The following ST18 variants were observed in gnomAD, a reference collection of about 807,000 sequenced individuals.
The protein encoded by ST18 is ST18 C2H2C-type zinc finger transcription factor, also known as suppression of tumorigenicity 18 protein.
In ST18, 50 loss-of-function variants were observed where a neutral mutation model predicts 110.0. The ratio of observed to expected loss-of-function variants is 0.45; its 90% CI spans 0.36 to 0.58. The LOEUF (loss-of-function observed/expected upper bound fraction) is 0.58. Among genes scored for constraint, ST18 ranks in the 20% least tolerant of loss-of-function variants. ST18 has a pLI of 0.00. For missense variants in ST18, 1,306 were observed against 1,280.1 expected (o/e 1.02, Z -0.31); for synonymous variants, 461 against 452.4 (o/e 1.02, Z -0.24).
chr8:52,360,779 G>T lies in ST18; in HGVS notation c.-465+48549C>A, dbSNP rs535742922. Among the ~76,000 whole-genome samples the T allele has an allele frequency of 3.9e-4, 60 of 152,252 alleles. 1 individual carries two copies. Among genetic ancestry groups the T allele is most frequent in the African/African-American group, 1.4e-3 (59 of 41,554 alleles). ...AGCTGAGAACAATGTAATTGTTGGG[G>T]AGTTATTTAATGCCCAGTAAGTTTT... On this transcript the variant is annotated intron_variant, in intron 2 of 25. Coordinates refer to ENST00000689386, the MANE Select transcript of ST18 (RefSeq NM_001352837.2).
At chr8:52,241,627 A>T (rs2093412952) in intron 2 of ST18, among the ~76,000 whole-genome samples, 2 of 152,166 alleles carry the variant, frequency 1.3e-5, no homozygotes, top group African/African-American at 4.8e-5. Context: ...CATTGTCTAT[A>T]CTTCTGATAC....
intron 25 of ST18, 26 bp from the exon 26 acceptor site, chr8:52,113,364 C>A: frequency 6.2e-7 from 1 of 1,611,154 alleles, no homozygotes. Flanking sequence ...ACACATTGAC[C>A]CAATCACAGT....
chr8:52,171,629 GA>G, intron 10 of ST18, 162 bp downstream of exon 10: 1 of 790,792 alleles, frequency 1.3e-6, no homozygotes, highest in East Asian at 2.7e-5. Context: ...ATAATCTAGA[GA>G]GTGGGGGAAA....
intron 2 of ST18, among the ~76,000 whole-genome samples, chr8:52,284,016 A>AT (rs1007364562): frequency 5.3e-5 from 8 of 152,142 alleles, no homozygotes; most frequent in East Asian, 1.9e-4. Flanking sequence ...AGCTTGGTTG[A>AT]TTTTTTCCCC....
At chr8:52,256,716 G>C (rs1285040353) in intron 2 of ST18, among the ~76,000 whole-genome samples, 2 of 152,106 alleles carry the variant, frequency 1.3e-5, no homozygotes, top group Non-Finnish European at 2.9e-5. Context: ...GTCAATTTTT[G>C]TGACTTTAAT....
chr8:52,226,636 T>C (rs1433417658), intron 3 of ST18, among the ~76,000 whole-genome samples: 1 of 152,244 alleles, frequency 6.6e-6, no homozygotes, highest in African/African-American at 2.4e-5. Flanking sequence ...TTCTCAGTTT[T>C]CCTGTGGTAA....
At chr8:52,275,087 G>A (rs1175905523) in intron 2 of ST18, among the ~76,000 whole-genome samples, 2 of 152,026 alleles carry the variant, frequency 1.3e-5, no homozygotes, top group African/African-American at 4.8e-5. Flanking sequence ...GTTTCTGTAC[G>A]ATACACCAAA....
At chr8:52,198,897 C>T (rs191088596) in intron 8 of ST18, among the ~76,000 whole-genome samples, 46 of 152,252 alleles carry the variant, frequency 3.0e-4, no homozygotes, top group African/African-American at 9.6e-4. Context: ...AACACCAGAA[C>T]TACTGACAAA....
At position 52,389,756 on chromosome 8, in the gene ST18, C is replaced by T. The variant is rs184455642; in HGVS notation, c.-465+19572G>A. ...ACGGGCCTTCCTGCGTCGTGCAGGT[C>T]CCCTGGGTCACAGGAAGCTGCTCTC... On this transcript the variant is annotated intron_variant, in intron 2 of 25. Coordinates refer to ENST00000689386, the MANE Select transcript of ST18 (RefSeq NM_001352837.2). 3.7e-3 allele frequency among the ~76,000 whole-genome samples: 569 copies of T among 152,240 alleles called. 6 individuals carry two copies. Among genetic ancestry groups the T allele is most frequent in the Non-Finnish European group, 3.8e-3 (261 of 68,012 alleles).
chr8:52,144,173 T>C (rs2056352183), intron 16 of ST18, among the ~76,000 whole-genome samples: 1 of 152,144 alleles, frequency 6.6e-6, no homozygotes, highest in African/African-American at 2.4e-5. Flanking sequence ...CTCAATCACA[T>C]AATTAGCTTA....
chr8:52,191,216 T>C (rs1455315557), intron 8 of ST18, among the ~76,000 whole-genome samples: 1 of 152,170 alleles, frequency 6.6e-6, no homozygotes, highest in Non-Finnish European at 1.5e-5. Context: ...ATGGAATTCA[T>C]GGCAAGGTCT....
At chr8:52,132,959 C>T in intron 21 of ST18, 98 bp downstream of exon 21, 1 of 1,386,202 alleles carries the variant, frequency 7.2e-7, no homozygotes, top group Non-Finnish European at 1.0e-6. Flanking sequence ...TACACCTTCC[C>T]TGAAACTCAA....
intron 2 of ST18, among the ~76,000 whole-genome samples, chr8:52,317,923 G>T (rs1323932324): frequency 2.0e-5 from 3 of 151,980 alleles, no homozygotes; most frequent in Non-Finnish European, 4.4e-5. Context: ...ATTAATTATT[G>T]GTAATAGAAG....
chr8:52,399,248 T>C (rs1029218047), intron 2 of ST18, among the ~76,000 whole-genome samples: 3 of 152,070 alleles, frequency 2.0e-5, no homozygotes, highest in African/African-American at 7.2e-5. Flanking sequence ...TAGTTCCTTA[T>C]GATCCTTTTT....
rs142816046 is a variant in ST18 at position 52,133,111 on chromosome 8, T to C, written c.2390A>G (p.Lys797Arg). Reference protein sequence around the residue: ...RSLSGCPRARKGGVKMTPTKE... With the variant: ...RSLSGCPRARRGGVKMTPTKE... ...GGTAGGGGTCATTTTGACACCACCT[T>C]TCCTTGCACGAGGGCATCCGGACAA... The change falls in exon 21 of 26, where the codon AAA becomes AGA. Residue 797 changes from lysine (K) to arginine (R), a missense_variant. Lys to Arg is a conservative substitution (Grantham distance 26, BLOSUM62 2). Coordinates refer to ENST00000689386, the MANE Select transcript of ST18 (RefSeq NM_001352837.2). 2.5e-6 allele frequency: 4 copies of C among 1,614,072 alleles called. No homozygotes were observed. The African/African-American group carries it at 5.3e-5, about 22-fold the overall frequency.
intron 7 of ST18, among the ~76,000 whole-genome samples, chr8:52,212,979 C>G (rs1424220076): frequency 1.3e-5 from 2 of 152,148 alleles, no homozygotes; most frequent in African/African-American, 4.8e-5. Flanking sequence ...CAGGCATAAG[C>G]TTATTCCAAA....
At chr8:52,227,552 G>C (rs2089918380) in intron 3 of ST18, among the ~76,000 whole-genome samples, 1 of 152,072 alleles carries the variant, frequency 6.6e-6, no homozygotes, top group Non-Finnish European at 1.5e-5. Context: ...AATTGTTCTT[G>C]GCTTGGTTAA....
At chr8:52,368,301 GTT>G (rs2140552656) in intron 2 of ST18, among the ~76,000 whole-genome samples, 1 of 152,260 alleles carries the variant, frequency 6.6e-6, no homozygotes, top group Non-Finnish European at 1.5e-5. Context: ...AGTCTTAAAT[GTT>G]TTGACAGAGA....
intron 2 of ST18, among the ~76,000 whole-genome samples, chr8:52,299,639 A>G (rs2139501822): frequency 6.6e-6 from 1 of 152,318 alleles, no homozygotes; most frequent in Non-Finnish European, 1.5e-5. Flanking sequence ...TTTCAGGCCT[A>G]CATGAAGTGG....
Sources: gnomAD v4.1 joint callset for allele counts (sites outside exome capture counted in the v4.1 genomes callset) on GRCh38, gnomAD v4.1.1 for gene constraint, MANE v1.5 for transcripts, NCBI Gene and HGNC (gene_info 2026-07-23, HGNC 2026-07-21) for gene names.